Variants in MSH3 observed in about 807,000 individuals in gnomAD.
MSH3 encodes DNA mismatch repair protein Msh3.
MSH3 carries 106 observed loss-of-function variants against 123.3 expected under a neutral mutation model. The ratio of observed to expected loss-of-function variants is 0.86; its 90% CI spans 0.73 to 1.01. The LOEUF is 1.01. MSH3 is among the 50% of genes least tolerant of loss of function. The probability of loss-of-function intolerance (pLI) is 0.00; values close to 1 mark genes in which losing one functional copy is unlikely to be tolerated. For synonymous variants in MSH3, 515 were observed against 481.4 expected (o/e 1.07, Z -0.91); for missense variants, 1,459 against 1,347.6 (o/e 1.08, Z -1.29).
chr5:80,692,652 A>T (rs1192915763), intron 8 of MSH3, among the ~76,000 whole-genome samples: 1 of 136,572 alleles, frequency 7.3e-6, no homozygotes, highest in Admixed American at 7.2e-5. Context: ...GTTTATATAG[A>T]TATATATATA....
At chr5:80,769,438 A>C (rs936145397) in intron 15 of MSH3, among the ~76,000 whole-genome samples, 2 of 152,068 alleles carry the variant, frequency 1.3e-5, no homozygotes, top group South Asian at 4.1e-4. Context: ...AGCTGCTAAA[A>C]AAAACAAGTC....
chr5:80,809,655 G>A lies in MSH3; in HGVS notation c.2656-3929G>A, dbSNP rs575134668. On this transcript the variant is annotated intron_variant, in intron 19 of 23. Coordinates refer to ENST00000265081, the MANE Select transcript of MSH3 (RefSeq NM_002439.5). ...TTCAGGGAGCCTTGGCATGACACACGTAACCCTTCTGTGCGGTATTCTCTC... is the reference window on the plus strand; with the variant it reads ...TTCAGGGAGCCTTGGCATGACACACATAACCCTTCTGTGCGGTATTCTCTC... 1.5e-3 allele frequency among the ~76,000 whole-genome samples: 228 copies of A among 152,204 alleles called. 3 individuals carry two copies. The highest frequency in any genetic ancestry group is 5.2e-3 in the African/African-American group (214 of 41,544).
At position 80,656,607 on chromosome 5, in the gene MSH3, G is replaced by A. The variant is rs1650694; in HGVS notation, c.358+76G>A. On this transcript the variant is annotated intron_variant, in intron 2 of 23. Coordinates refer to ENST00000265081, the MANE Select transcript of MSH3 (RefSeq NM_002439.5). ...GGAATTCTCCAGAGGGCAGAAGAGCGTATTAGAATTGTGTCTTTTTTCTTT... is the reference window on the plus strand; with the variant it reads ...GGAATTCTCCAGAGGGCAGAAGAGCATATTAGAATTGTGTCTTTTTTCTTT... The A allele has an allele frequency of 0.092, 146,177 of 1,588,906 alleles. 7,285 individuals carry two copies. The highest frequency in any genetic ancestry group is 0.17 in the African/African-American group (12,684 of 74,268).
At chr5:80,835,106 T>C (rs1288462355) in intron 20 of MSH3, among the ~76,000 whole-genome samples, 2 of 152,196 alleles carry the variant, frequency 1.3e-5, no homozygotes, top group East Asian at 1.9e-4. Flanking sequence ...TCTTCCCTTC[T>C]GTCAAAAGAG....
chr5:80,828,355 ATTC>A (rs1561491454), intron 20 of MSH3, among the ~76,000 whole-genome samples: 1 of 152,156 alleles, frequency 6.6e-6, no homozygotes, highest in African/African-American at 2.4e-5. Context: ...GGATTAATCC[ATTC>A]ATAAGGGCAG....
chr5:80,659,452 G>A (rs1223188412), intron 2 of MSH3, among the ~76,000 whole-genome samples: 2 of 152,134 alleles, frequency 1.3e-5, no homozygotes, highest in Non-Finnish European at 2.9e-5. Context: ...TACTTTCTGT[G>A]TATAGATTTG....
intron 19 of MSH3, among the ~76,000 whole-genome samples, chr5:80,796,788 C>T (rs1023716514): frequency 6.6e-5 from 10 of 151,898 alleles, no homozygotes; most frequent in Admixed American, 5.2e-4. Context: ...TCTTTTTGTC[C>T]CCTTCCTTGA....
intron 21 of MSH3, among the ~76,000 whole-genome samples, chr5:80,864,318 C>G (rs1453455258): frequency 6.6e-6 from 1 of 151,880 alleles, no homozygotes; most frequent in Admixed American, 6.6e-5. Context: ...CATAAGTGCC[C>G]CCTCCACCCA....
intron 20 of MSH3, among the ~76,000 whole-genome samples, chr5:80,824,449 C>G (rs528746568): frequency 7.9e-4 from 121 of 152,220 alleles, no homozygotes; most frequent in Non-Finnish European, 1.5e-3. Context: ...GGCTGCCCCC[C>G]ACCTCCCTCC....
chr5:80,771,881 A>T (rs1744218008), intron 15 of MSH3, among the ~76,000 whole-genome samples: 1 of 152,206 alleles, frequency 6.6e-6, no homozygotes, highest in African/African-American at 2.4e-5. Context: ...TCTCTATGTA[A>T]ATATTGGCTT....
intron 7 of MSH3, among the ~76,000 whole-genome samples, chr5:80,675,692 A>G (rs755036566): frequency 1.6e-4 from 24 of 152,194 alleles, no homozygotes; most frequent in Non-Finnish European, 3.4e-4. Flanking sequence ...GCCAAACCAT[A>G]TCAATACTCT....
At chr5:80,761,492 C>T (rs2112879746) in intron 12 of MSH3, 54 bp from the exon 13 acceptor site, 1 of 1,604,998 alleles carries the variant, frequency 6.2e-7, no homozygotes, top group Non-Finnish European at 8.5e-7. Flanking sequence ...TGGGAAATGT[C>T]TATATTCTGA....
chr5:80,874,846 A>C (rs575717900), intron 23 of MSH3, among the ~76,000 whole-genome samples: 1 of 152,242 alleles, frequency 6.6e-6, no homozygotes, highest in African/African-American at 2.4e-5. Context: ...TTTGAACTCT[A>C]TGAAGTTATC....
chr5:80,688,581 TA>T lies in MSH3; in HGVS notation c.1340+9490del, dbSNP rs539034751. 5.3e-5 allele frequency among the ~76,000 whole-genome samples: 8 copies of T among 152,228 alleles called. No individual in the cohort carries two copies. The South Asian group carries it at 6.2e-4, about 12-fold the overall frequency. The stretch of plus-strand genomic sequence containing the variant: ...TATTGTACTTTGACTTTCAAGTTTT[TA>T]ATGGAAAATATTTAGCAGAGTTTTG... On this transcript the variant is annotated intron_variant, in intron 8 of 23. Coordinates refer to ENST00000265081, the MANE Select transcript of MSH3 (RefSeq NM_002439.5).
intron 8 of MSH3, among the ~76,000 whole-genome samples, chr5:80,681,812 T>A (rs897119568): frequency 5.3e-5 from 8 of 152,144 alleles, no homozygotes; most frequent in African/African-American, 1.7e-4. Context: ...TTTTTGTTTG[T>A]CAAGCAGCAT....
In MSH3 at chr5:80,672,349, A is replaced by G. The variant is rs1749742847; in HGVS notation, c.898A>G (p.Lys300Glu). The G allele has an allele frequency of 6.2e-7, 1 of 1,611,926 alleles. No individual in the cohort carries two copies. ...LFVHVRRLVA[K>E]GYKVGVVKQT... is the part of the protein sequence containing the mutation. ...TGTTCATGTACGCCGCCTGGTGGCA[A>G]AAGGATATAAGGTCAGCTTTGGCTT... Residue 300 changes from lysine (K) to glutamate (E), a missense_variant, in exon 5 of 24, where the codon AAA becomes GAA. Transcript: ENST00000265081.
chr5:80,802,551 C>T (rs1044718284), intron 19 of MSH3, among the ~76,000 whole-genome samples: 3 of 152,062 alleles, frequency 2.0e-5, no homozygotes, highest in Non-Finnish European at 4.4e-5. Context: ...TCACCTCAGG[C>T]ATTTATCCTT....
intron 8 of MSH3, among the ~76,000 whole-genome samples, chr5:80,687,619 T>C (rs1750122379): frequency 6.6e-6 from 1 of 151,812 alleles, no homozygotes; most frequent in African/African-American, 2.4e-5. Flanking sequence ...TGATATGAGG[T>C]CTGAGGCACA....
chr5:80,840,007 A>G (rs62365460), intron 20 of MSH3, among the ~76,000 whole-genome samples: 142 of 152,300 alleles, frequency 9.3e-4, no homozygotes, highest in Admixed American at 1.5e-3. Flanking sequence ...AGCTTTAGAC[A>G]GTATCTGTTA....
Sources: allele counts gnomAD v4.1 joint callset (sites outside exome capture counted in the v4.1 genomes callset), GRCh38; gene constraint gnomAD v4.1.1; transcripts MANE v1.5; gene names NCBI Gene and HGNC (gene_info 2026-07-23, HGNC 2026-07-21).